TRIM5: variants seen among roughly 807,000 people sequenced by gnomAD.
TRIM5 encodes the protein tripartite motif-containing protein 5.
TRIM5 carries 31 observed loss-of-function variants against 35.6 expected under a neutral mutation model. The ratio of observed to expected loss-of-function variants is 0.87; its 90% confidence interval spans 0.65 to 1.18. The LOEUF (loss-of-function observed/expected upper bound fraction) is 1.18, where lower values mean the gene tolerates loss of function less well. Ranked by LOEUF, TRIM5 falls within the 50% of genes most tolerant of loss-of-function variation. TRIM5 has a pLI of 0.00. For missense variants in TRIM5, 609 were observed against 591.6 expected (o/e 1.03, Z -0.31); for synonymous variants, 243 against 215.6 (o/e 1.13, Z -1.11).
the TRIM5 span, chr11:5,610,730 ACCCATGTC>A: frequency 4.4e-6 from 7 of 1,595,414 alleles, no homozygotes; most frequent in Admixed American, 1.2e-4. Context: ...GCATAACGAG[ACCCATGTC>A]CCCGTTCTCA....
chr11:5,660,624 C>T (rs1012837737), downstream of TRIM5, among the ~76,000 whole-genome samples: 7 of 152,056 alleles, frequency 4.6e-5, no homozygotes, highest in African/African-American at 1.7e-4. Flanking sequence ...TGATTTTACG[C>T]TTTCTTTCTC....
chr11:5,604,933 A>G, the TRIM5 span: 2 of 435,360 alleles, frequency 4.6e-6, no homozygotes, highest in South Asian at 2.9e-5. Context: ...CCTTGCATTC[A>G]GAGTACAAAT....
At chr11:5,653,284 A>T in the TRIM5 span, among the ~76,000 whole-genome samples, 1 of 151,926 alleles carries the variant, frequency 6.6e-6, no homozygotes, top group Non-Finnish European at 1.5e-5. Context: ...TGATAGTTTG[A>T]ATCTAATGTG....
intron 4 of TRIM5, 23 bp from the exon 5 acceptor site, chr11:5,667,734 C>G: frequency 6.2e-7 from 1 of 1,612,504 alleles, no homozygotes; most frequent in Non-Finnish European, 8.5e-7. Flanking sequence ...GAGAAAACAT[C>G]AATTAAGAAA....
At chr11:5,634,592 G>A in the TRIM5 span, 1 of 1,576,816 alleles carries the variant, frequency 6.3e-7, no homozygotes, top group Non-Finnish European at 8.6e-7. Flanking sequence ...GCCTTAGCCT[G>A]ACAAACTTAC....
chr11:5,633,663 T>C, the TRIM5 span: 25 of 732,972 alleles, frequency 3.4e-5, no homozygotes, highest in Middle Eastern at 2.4e-3. Context: ...ATTTTCCCCA[T>C]GTCATAGATT....
the TRIM5 span, among the ~76,000 whole-genome samples, chr11:5,591,414 C>T: frequency 1.1e-4 from 17 of 152,154 alleles, no homozygotes; most frequent in Admixed American, 6.5e-4. Context: ...TTTGGGAGGC[C>T]GAGGCGGGCA....
chr11:5,643,204 G>C, the TRIM5 span: 1 of 1,610,742 alleles, frequency 6.2e-7, no homozygotes, highest in South Asian at 1.1e-5. Flanking sequence ...GAAGATCAGA[G>C]ACAAGTGATA....
At chr11:5,661,457 T>C (rs1320586488), downstream of TRIM5, among the ~76,000 whole-genome samples, 1 of 152,186 alleles carries the variant, frequency 6.6e-6, no homozygotes, top group African/African-American at 2.4e-5. Flanking sequence ...CCTGCTCCCA[T>C]TCTTTACTCA....
In TRIM5 at chr11:5,663,582, A is replaced by AT; in HGVS notation, c.*1226dup. 1.0e-6 allele frequency: 1 copy of AT among 967,530 alleles called. No homozygotes were observed. The highest frequency in any genetic ancestry group is 1.2e-6 in the Non-Finnish European group (1 of 813,562). 59.9% of individuals were successfully genotyped at this position (967,530 alleles called of 1,614,324 possible). A position where few individuals can be genotyped will look rare whatever the true frequency, so the allele number is the denominator to read the frequency against. ...TAGATGCTTTATACTTCAGGAATTT[A>AT]TTTTTTCACAATGATCCAAAGTATT... On this transcript the variant is annotated 3_prime_UTR_variant, in exon 8 of 8. Transcript: ENST00000380034.
At chr11:5,675,068 G>T (rs920816644) in intron 4 of TRIM5, among the ~76,000 whole-genome samples, 2 of 151,426 alleles carry the variant, frequency 1.3e-5, no homozygotes, top group Admixed American at 1.3e-4. Context: ...TCGCACTGTT[G>T]CCCAGGCTGG....
the TRIM5 span, among the ~76,000 whole-genome samples, chr11:5,641,941 C>A: frequency 1.3e-5 from 2 of 152,086 alleles, no homozygotes; most frequent in African/African-American, 4.8e-5. Flanking sequence ...TGAACTCGGG[C>A]ACAGGCTGAC....
intron 1 of TRIM5, among the ~76,000 whole-genome samples, chr11:5,680,963 C>G (rs1852391036): frequency 6.6e-6 from 1 of 152,134 alleles, no homozygotes; most frequent in South Asian, 2.1e-4. Context: ...GAGATAACAG[C>G]ATATATCCAA....
At chr11:5,635,847 C>G in the TRIM5 span, among the ~76,000 whole-genome samples, 1 of 152,068 alleles carries the variant, frequency 6.6e-6, no homozygotes, top group East Asian at 1.9e-4. Context: ...GTATTTTACA[C>G]TCATTAGTAT....
At chr11:5,613,027 A>G in the TRIM5 span, 1 of 152,166 alleles carries the variant, frequency 6.6e-6, no homozygotes, top group Non-Finnish European at 1.5e-5. Context: ...TTGTATTTCT[A>G]TTGGACAACT....
chr11:5,606,472 T>C, the TRIM5 span, among the ~76,000 whole-genome samples: 1 of 152,214 alleles, frequency 6.6e-6, no homozygotes, highest in African/African-American at 2.4e-5. Context: ...ATTTTGTTTG[T>C]CTTCGTGCTT....
downstream of TRIM5, among the ~76,000 whole-genome samples, chr11:5,658,922 T>C (rs7950170): frequency 0.59 from 90,187 of 151,920 alleles, 27,033 homozygotes; most frequent in African/African-American, 0.66. Context: ...AAACACCGCA[T>C]GTTCTCACTT....
At chr11:5,617,195 T>C in the TRIM5 span, among the ~76,000 whole-genome samples, 95 of 144,984 alleles carry the variant, frequency 6.6e-4, 15 homozygotes, top group South Asian at 1.3e-3. Context: ...ATTAGGGAAA[T>C]GGAGTCTATT....
chr11:5,640,563 A>G, the TRIM5 span, among the ~76,000 whole-genome samples: 3 of 151,852 alleles, frequency 2.0e-5, no homozygotes, highest in African/African-American at 7.3e-5. Flanking sequence ...AGAATTTTGT[A>G]TTTATATTTA....
Sources: allele counts gnomAD v4.1 joint callset (sites outside exome capture counted in the v4.1 genomes callset), GRCh38; gene constraint gnomAD v4.1.1; transcripts MANE v1.5; gene names NCBI Gene and HGNC (gene_info 2026-07-23, HGNC 2026-07-21).